SLC22A6: variants seen among roughly 807,000 people sequenced by gnomAD.
The protein encoded by SLC22A6 is solute carrier family 22 member 6, also known as PAH transporter.
A neutral mutation model predicts 56.7 loss-of-function variants in SLC22A6; 45 were observed. The observed-to-expected ratio is 0.79, with a 90% CI of 0.63 to 1.02. The LOEUF is 1.02. Among genes scored for constraint, SLC22A6 ranks in the 50% least tolerant of loss-of-function variants. The pLI is 0.00. For missense variants in SLC22A6, 606 were observed against 713.8 expected (o/e 0.85, Z 1.72); for synonymous variants, 291 against 295.9 (o/e 0.98, Z 0.17).
At chr11:62,981,494 G>T in intron 4 of SLC22A6, 111 bp from the exon 5 acceptor site, 1 of 696,274 alleles carries the variant, frequency 1.4e-6, no homozygotes. Flanking sequence ...ATTTAAGGTT[G>T]GGAACCCAGG....
In SLC22A6 at chr11:62,979,738, G is replaced by A. The variant is rs1378326478; in HGVS notation, c.1248C>T (p.Pro416=). ...GICILLNGVI[P]QDQSIVRTSL... is the part of the protein sequence containing the mutation. ...AAGGTGCTCGTGGGTGCTCACCCTG[G>A]GGTATCACCCCATTGAGCAGGATGC... The change falls in exon 7 of 10, where the codon CCC becomes CCT. Residue 416 remains proline (P), a synonymous_variant. Coordinates refer to ENST00000360421, the MANE Select transcript of SLC22A6 (RefSeq NM_153276.3). The A allele has an allele frequency of 1.2e-6, 2 of 1,614,072 alleles. No individual in the cohort carries two copies. Among genetic ancestry groups the A allele is most frequent in the Admixed American group, 3.3e-5 (2 of 60,030 alleles).
At chr11:62,979,236 T>G (rs1241935322) in intron 8 of SLC22A6, among the ~76,000 whole-genome samples, 2 of 152,200 alleles carry the variant, frequency 1.3e-5, no homozygotes, top group Non-Finnish European at 2.9e-5. Flanking sequence ...TCTTGGTTCC[T>G]TACCCTGCCC....
rs1034098699 is a variant in SLC22A6, at chr11:62,984,608, A to G, written c.83T>C (p.Leu28Pro). 5 of 1,613,662 alleles carry G rather than the reference A, an allele frequency of 3.1e-6. No homozygotes were observed. In the Admixed American group the frequency reaches 8.3e-5, roughly 27 times the overall value. Residue 28 changes from leucine to proline, a missense_variant, in exon 1 of 10, where the codon CTG (leucine) becomes CCG (proline). Coordinates refer to ENST00000360421, the MANE Select transcript of SLC22A6 (RefSeq NM_153276.3). ...QIQVTLVVLP[L>P]LLMASHNTLQ... The stretch of plus-strand genomic sequence containing the variant: ...GGTGTTGTGAGAAGCCATCAGGAGC[A>G]GGGGGAGGACCACCAGGGTGACCTG...
chr11:62,983,641 G>C lies in SLC22A6; in HGVS notation c.524C>G (p.Ser175Ter). Reference protein sequence around the residue: ...LILNYLQTAVSGTCAAFAPNF... With the variant: ...LILNYLQTAV The stretch of plus-strand genomic sequence containing the variant: ...GGGTGCGAAGGCTGCGCAGGTCCCT[G>C]ACACAGCTGTCTGCAGGTAGTTCAA... Residue 175 changes from serine to a stop codon, truncating the protein, a stop_gained, in exon 3 of 10, where the codon TCA becomes TGA. Transcript: ENST00000360421. LOFTEE classifies it high-confidence loss of function. The surrounding 1 kb of genome is among the most constrained non-coding windows in gnomAD (Gnocchi z 4.5). The C allele has an allele frequency of 6.2e-7, 1 of 1,612,430 alleles. No individual in the cohort carries two copies. The highest frequency in any genetic ancestry group is 8.5e-7 in the Non-Finnish European group (1 of 1,179,460).
At position 62,984,732 on chromosome 11, in the gene SLC22A6, A is replaced by G. The variant is rs2086301616; in HGVS notation, c.-42T>C. The G allele has an allele frequency of 1.9e-6, 3 of 1,579,360 alleles. No individual in the cohort carries two copies. The South Asian group carries it at 3.5e-5, about 18-fold the overall frequency. ...CAGTGGCTGGGGGCTGAGGCCTTCC[A>G]GTCCCAGGACCTCTGTCTGTCTGCC... On this transcript the variant is annotated 5_prime_UTR_variant, in exon 1 of 10. Transcript: ENST00000360421.
At chr11:62,981,187 CCCTGGGT>C in intron 5 of SLC22A6, 66 bp downstream of exon 5, 1 of 1,604,512 alleles carries the variant, frequency 6.2e-7, no homozygotes, top group Non-Finnish European at 8.5e-7. Context: ...GTTCCCTGGG[CCCTGGGT>C]CCTGGGTTTG....
In SLC22A6 at chr11:62,984,527, G is replaced by A. The variant is rs202055464; in HGVS notation, c.164C>T (p.Ala55Val). The A allele has an allele frequency of 6.2e-7, 1 of 1,613,998 alleles. No individual in the cohort carries two copies. Among genetic ancestry groups the A allele is most frequent in the Non-Finnish European group, 8.5e-7 (1 of 1,179,950 alleles). ...PTHHCRPPAD[A>V]NLSKNGGLEV... The stretch of plus-strand genomic sequence containing the variant: ...CAGCCCCCCGTTCTTGCTGAGGTTG[G>A]CATCGGCAGGCGGGCGGCAGTGGTG... The change falls in exon 1 of 10, where the codon GCC becomes GTC. Residue 55 changes from alanine (A) to valine (V), a missense_variant. Coordinates refer to ENST00000360421, the MANE Select transcript of SLC22A6 (RefSeq NM_153276.3).
chr11:62,982,069 C>T (rs2086262207), intron 3 of SLC22A6, 59 bp from the exon 4 acceptor site: 1 of 1,528,266 alleles, frequency 6.5e-7, no homozygotes, highest in Non-Finnish European at 8.9e-7. Context: ...CTAGTAAAGG[C>T]CCCTCCCTCC....
In SLC22A6 at chr11:62,981,839, C is replaced by A; in HGVS notation, c.797+3G>T. On this transcript the variant is annotated splice_donor_region_variant and intron_variant, in intron 4 of 9. Coordinates refer to ENST00000360421, the MANE Select transcript of SLC22A6 (RefSeq NM_153276.3). ...ACCACCTCCAACCCTAGGCCCCACG[C>A]ACCAGGAGTAGATGAAGAAGGCAAA... 2 of 1,607,262 alleles carry A rather than the reference C, an allele frequency of 1.2e-6. No individual in the cohort carries two copies. Among genetic ancestry groups the A allele is most frequent in the South Asian group, 2.2e-5 (2 of 89,570 alleles).
At chr11:62,979,425 G>C in intron 8 of SLC22A6, 63 bp downstream of exon 8, 2 of 1,143,210 alleles carry the variant, frequency 1.7e-6, no homozygotes, top group East Asian at 4.7e-5. Context: ...GGTCTGACCT[G>C]TGCACAGAAG....
At position 62,979,929 on chromosome 11, in the gene SLC22A6, A is replaced by G; in HGVS notation, c.1057T>C (p.Tyr353His). 6.2e-7 allele frequency: 1 copy of G among 1,613,976 alleles called. No homozygotes were observed. The highest frequency in any genetic ancestry group is 2.2e-5 in the East Asian group (1 of 44,878). ...SMLWFATSFAYYGLVMDLQGF... is the reference protein window; with the variant it reads ...SMLWFATSFAHYGLVMDLQGF... ...TGCAGGTCCATGACCAGCCCATAGT[A>G]TGCAAAGCTAGTGGCAAACCTAGCA... Residue 353 changes from tyrosine to histidine, a missense_variant, in exon 7 of 10, where the codon TAC (tyrosine) becomes CAC (histidine). Physicochemically the swap from Tyr to His is moderately conservative, Grantham distance 83 (BLOSUM62 2). Coordinates refer to ENST00000360421, the MANE Select transcript of SLC22A6 (RefSeq NM_153276.3).
Position 62,981,390 on chromosome 11 carries a change from G to A in SLC22A6, c.798-7C>T. The A allele has an allele frequency of 1.3e-6, 2 of 1,551,712 alleles. No individual in the cohort carries two copies. Among genetic ancestry groups the A allele is most frequent in the Non-Finnish European group, 1.7e-6 (2 of 1,145,102 alleles). On this transcript the variant is annotated splice_polypyrimidine_tract_variant and splice_region_variant and intron_variant, in intron 4 of 9. Transcript: ENST00000360421. Reference sequence around the variant, plus strand: ...GGCCGACTCAATGAAGAACCTGGGAGCGGGGGTGGGGGTGGGTGTCAGCAT... The same window carrying A: ...GGCCGACTCAATGAAGAACCTGGGAACGGGGGTGGGGGTGGGTGTCAGCAT...
Position 62,983,405 on chromosome 11 carries a change from T to C in SLC22A6, c.628+132A>G. 1.1e-6 allele frequency: 1 copy of C among 901,902 alleles called. No homozygotes were observed. The highest frequency in any genetic ancestry group is 1.5e-5 in the South Asian group (1 of 64,814). 55.9% of individuals were successfully genotyped at this position (901,902 alleles called of 1,614,324 possible). ...TGAGCCTGAGAAAAGGTTGTTCTAT[T>C]GGCAGGAAGGTGAGACCCGAGAGAG... On this transcript the variant is annotated intron_variant, in intron 3 of 9. Transcript: ENST00000360421. The surrounding 1 kb of genome is among the most constrained non-coding windows in gnomAD (Gnocchi z 4.5).
At chr11:62,980,854 G>A in intron 6 of SLC22A6, 131 bp downstream of exon 6, 3 of 698,506 alleles carry the variant, frequency 4.3e-6, no homozygotes, top group East Asian at 5.5e-5. Flanking sequence ...ATGATCCCTA[G>A]TGTGGGGTTA....
At chr11:62,984,268 A>G in intron 1 of SLC22A6, 54 bp downstream of exon 1, 1 of 1,560,920 alleles carries the variant, frequency 6.4e-7, no homozygotes, top group Non-Finnish European at 8.6e-7. Context: ...TTTTTTTAAC[A>G]AAGGCCCCCA....
intron 3 of SLC22A6, among the ~76,000 whole-genome samples, chr11:62,982,639 G>A (rs2086268616): frequency 1.3e-5 from 2 of 152,188 alleles, no homozygotes; most frequent in South Asian, 4.1e-4. Flanking sequence ...CTGTGGTTGA[G>A]GAATGCCCTT....
intron 6 of SLC22A6, 22 bp downstream of exon 6, chr11:62,980,963 C>G: frequency 6.4e-7 from 1 of 1,572,418 alleles, no homozygotes; most frequent in Non-Finnish European, 8.7e-7. Flanking sequence ...TTGTCTCAGT[C>G]TGTCTGTCTT....
At chr11:62,978,015 G>T (rs2086209484) in intron 8 of SLC22A6, among the ~76,000 whole-genome samples, 1 of 152,256 alleles carries the variant, frequency 6.6e-6, no homozygotes, top group Non-Finnish European at 1.5e-5. Context: ...TCTTGGAGAA[G>T]TCACTTAACC....
In SLC22A6 at chr11:62,984,740, G is replaced by A. The variant is rs902900865; in HGVS notation, c.-50C>T. ...GGGGGCTGAGGCCTTCCAGTCCCAG[G>A]ACCTCTGTCTGTCTGCCTGCCTGCT... On this transcript the variant is annotated 5_prime_UTR_variant, in exon 1 of 10. Coordinates refer to ENST00000360421, the MANE Select transcript of SLC22A6 (RefSeq NM_153276.3). The A allele has an allele frequency of 6.4e-7, 1 of 1,559,808 alleles. No individual in the cohort carries two copies. Among genetic ancestry groups the A allele is most frequent in the Non-Finnish European group, 8.6e-7 (1 of 1,157,642 alleles).
Sources: gnomAD v4.1 joint callset for allele counts (sites outside exome capture counted in the v4.1 genomes callset) on GRCh38, gnomAD v4.1.1 for gene constraint, Gnocchi (gnomAD v3.1) non-coding constraint, MANE v1.5 for transcripts, NCBI Gene and HGNC (gene_info 2026-07-23, HGNC 2026-07-21) for gene names.